The following TMEM184B variants were observed in gnomAD, a reference collection of about 807,000 sequenced individuals.
TMEM184B encodes the protein putative MAPK-activating protein FM08.
Under a neutral mutation model 41.8 loss-of-function variants are expected in TMEM184B, and 17 were observed. The ratio of observed to expected loss-of-function variants is 0.41; its 90% CI spans 0.28 to 0.61. The LOEUF (loss-of-function observed/expected upper bound fraction) is 0.61. Among genes scored for constraint, TMEM184B ranks in the 20% least tolerant of loss-of-function variants. The pLI is 0.34. For synonymous variants in TMEM184B, 240 were observed against 229.5 expected (o/e 1.05, Z -0.41); for missense variants, 393 against 557.8 (o/e 0.70, Z 2.98).
chr22:38,226,514 G>A lies in TMEM184B; in HGVS notation c.617+265C>T. 1 of 420,166 alleles carries A rather than the reference G, an allele frequency of 2.4e-6. No individual in the cohort carries two copies. Among genetic ancestry groups the A allele is most frequent in the South Asian group, 2.5e-5 (1 of 39,258 alleles). The allele number at this position is 420,166 out of a possible 1,614,324, so 26.0% of individuals were successfully genotyped here. On this transcript the variant is annotated intron_variant, in intron 6 of 8. Coordinates refer to ENST00000361906, the MANE Select transcript of TMEM184B (RefSeq NM_012264.5). The surrounding 1 kb of genome is among the most constrained non-coding windows in gnomAD (Gnocchi z 4.6). ...GCTCCCTGCCTCAGCAGTGGTCACTGTCCCTTTGTGGCCCATCCCTTCATG... is the reference window on the plus strand; with the variant it reads ...GCTCCCTGCCTCAGCAGTGGTCACTATCCCTTTGTGGCCCATCCCTTCATG...
intron 1 of TMEM184B, among the ~76,000 whole-genome samples, chr22:38,253,015 G>A (rs1458932984): frequency 6.6e-6 from 1 of 152,066 alleles, no homozygotes; most frequent in Non-Finnish European, 1.5e-5. Context: ...GGTGGCAGGC[G>A]CCTGTAGTCC....
At position 38,224,965 on chromosome 22, in the gene TMEM184B, T is replaced by C; in HGVS notation, c.802A>G (p.Ile268Val). ...LSFWQGMLLA[I>V]LEKCGAIPKI... ...GGGATGGCCCCACACTTCTCCAGGATGGCCAGGAGCATGCCTGGATGGGGA... is the reference window on the plus strand; with the variant it reads ...GGGATGGCCCCACACTTCTCCAGGACGGCCAGGAGCATGCCTGGATGGGGA... Residue 268 changes from isoleucine (I) to valine (V), a missense_variant, in exon 8 of 9, where the codon ATC becomes GTC. This residue lies in a region of TMEM184B where 271 missense variants were observed against 434.1 expected (regional missense o/e 0.62). Coordinates refer to ENST00000361906, the MANE Select transcript of TMEM184B (RefSeq NM_012264.5). The C allele has an allele frequency of 6.3e-7, 1 of 1,578,424 alleles. No individual in the cohort carries two copies. The highest frequency in any genetic ancestry group is 1.1e-5 in the South Asian group (1 of 87,576).
intron 5 of TMEM184B, among the ~76,000 whole-genome samples, chr22:38,227,564 G>C (rs2091481854): frequency 1.3e-5 from 2 of 152,156 alleles, no homozygotes. Context: ...CAGGGTTTCT[G>C]GTCAGCAGAG....
intron 1 of TMEM184B, 142 bp downstream of exon 1, chr22:38,272,742 C>T: frequency 3.0e-6 from 3 of 985,312 alleles, no homozygotes; most frequent in Non-Finnish European, 3.6e-6. Flanking sequence ...GCACCGGCCT[C>T]CGTAGTGCCC....
intron 1 of TMEM184B, among the ~76,000 whole-genome samples, chr22:38,249,571 C>T (rs559854018): frequency 1.3e-5 from 2 of 152,334 alleles, no homozygotes; most frequent in Admixed American, 6.5e-5. Flanking sequence ...CCCCAGAGAG[C>T]TGCCATGCCC....
At chr22:38,224,582 G>A (rs2091371061) in intron 8 of TMEM184B, among the ~76,000 whole-genome samples, 1 of 152,210 alleles carries the variant, frequency 6.6e-6, no homozygotes, top group South Asian at 2.1e-4. Context: ...AGGGACAGGT[G>A]GCCTGAGCTT....
At chr22:38,234,668 G>A (rs918252183) in intron 3 of TMEM184B, among the ~76,000 whole-genome samples, 3 of 152,142 alleles carry the variant, frequency 2.0e-5, no homozygotes, top group South Asian at 2.1e-4. Flanking sequence ...TCTGCTCACC[G>A]CAGAGGCAGA....
At chr22:38,247,654 A>C in intron 2 of TMEM184B, 116 bp downstream of exon 2, 1 of 1,307,190 alleles carries the variant, frequency 7.6e-7, no homozygotes. Flanking sequence ...GCCTCTGAGA[A>C]CAGAGGGCTT....
chr22:38,266,393 C>T (rs1411919869), intron 1 of TMEM184B, among the ~76,000 whole-genome samples: 2 of 152,252 alleles, frequency 1.3e-5, no homozygotes, highest in Non-Finnish European at 2.9e-5. Flanking sequence ...GTACGAATAG[C>T]GCCCCTTGCC....
At chr22:38,232,342 A>C (rs1390412929) in intron 3 of TMEM184B, 2 of 152,228 alleles carry the variant, frequency 1.3e-5, no homozygotes, top group African/African-American at 4.8e-5. Flanking sequence ...TGTTGATGCT[A>C]TAAATACAGC....
chr22:38,224,687 C>T (rs1156525229), intron 8 of TMEM184B, 98 bp downstream of exon 8: 2 of 1,301,376 alleles, frequency 1.5e-6, no homozygotes, highest in African/African-American at 1.5e-5. Flanking sequence ...TGTCCTGACC[C>T]AGCCGCACCT....
chr22:38,218,708 G>A (rs758707959), downstream of TMEM184B, among the ~76,000 whole-genome samples: 10 of 152,234 alleles, frequency 6.6e-5, no homozygotes, highest in African/African-American at 1.7e-4. Flanking sequence ...TCAGGCCTGC[G>A]GGAAGGGCAG....
At chr22:38,223,278 G>C (rs1439153181) in intron 8 of TMEM184B, 1 of 152,488 alleles carries the variant, frequency 6.6e-6, no homozygotes, top group East Asian at 1.9e-4. Context: ...CCCCAGTGGT[G>C]CAGGAATGGT....
chr22:38,246,951 T>C (rs943281225), intron 2 of TMEM184B: 37 of 1,112,136 alleles, frequency 3.3e-5, no homozygotes, highest in African/African-American at 1.3e-4. Context: ...CGCAAATGGG[T>C]TCTAAAAGGG....
chr22:38,264,383 G>C (rs2092414724), intron 1 of TMEM184B, among the ~76,000 whole-genome samples: 1 of 152,036 alleles, frequency 6.6e-6, no homozygotes, highest in South Asian at 2.1e-4. Context: ...AGGCGCCCAT[G>C]AAGATGAGCA....
intron 3 of TMEM184B, among the ~76,000 whole-genome samples, chr22:38,237,869 C>T (rs1274877913): frequency 6.6e-6 from 1 of 151,472 alleles, no homozygotes; most frequent in Non-Finnish European, 1.5e-5. Context: ...GGCAATGGCG[C>T]GATCTCACTG....
chr22:38,233,464 G>A (rs1488113898), intron 3 of TMEM184B, among the ~76,000 whole-genome samples: 1 of 152,202 alleles, frequency 6.6e-6, no homozygotes, highest in South Asian at 2.1e-4. Flanking sequence ...GACCATTACC[G>A]TCTATCTGCT....
intron 1 of TMEM184B, among the ~76,000 whole-genome samples, chr22:38,261,121 A>G (rs1336206399): frequency 1.3e-5 from 2 of 152,200 alleles, no homozygotes; most frequent in African/African-American, 2.4e-5. Context: ...CGGGAATGAC[A>G]GCCGGCCCTC....
intron 1 of TMEM184B, among the ~76,000 whole-genome samples, chr22:38,251,887 G>A (rs1475161431): frequency 6.9e-6 from 1 of 145,084 alleles, no homozygotes; most frequent in African/African-American, 2.8e-5. Context: ...ACCAGATCCA[G>A]ATGATGCTGT....
Sources: allele counts gnomAD v4.1 joint callset (sites outside exome capture counted in the v4.1 genomes callset), GRCh38; gene constraint gnomAD v4.1.1; regional missense constraint gnomAD v4.1.1; non-coding constraint Gnocchi (gnomAD v3.1); transcripts MANE v1.5; gene names NCBI Gene and HGNC (gene_info 2026-07-23, HGNC 2026-07-21).